SPAG1: variants seen among roughly 807,000 people sequenced by gnomAD.
SPAG1 encodes sperm-associated antigen 1.
In SPAG1, 69 loss-of-function variants were observed where a neutral mutation model predicts 100.5. The ratio of observed to expected loss-of-function variants is 0.69; its 90% CI spans 0.57 to 0.84. The LOEUF is 0.84. Among genes scored for constraint, SPAG1 ranks in the 40% least tolerant of loss-of-function variants. The pLI is 0.00. For synonymous variants in SPAG1, 336 were observed against 411.6 expected (o/e 0.82, Z 2.22); for missense variants, 955 against 1,133.1 (o/e 0.84, Z 2.26).
intron 15 of SPAG1, among the ~76,000 whole-genome samples, chr8:100,232,319 C>T (rs980509489): frequency 1.3e-5 from 2 of 152,078 alleles, no homozygotes; most frequent in African/African-American, 4.8e-5. Context: ...GCTTTTCTTT[C>T]CCTAGAATTC....
In SPAG1 at chr8:100,239,501, T is replaced by C. The variant is rs1804095051; in HGVS notation, c.2280+97T>C. On this transcript the variant is annotated intron_variant, in intron 17 of 18. Transcript: ENST00000388798. The surrounding 1 kb of genome is among the most constrained non-coding windows in gnomAD (Gnocchi z 5.0). ...GTGAGTTCTAAAACATTTTTAATTT[T>C]GTGTTTTTATTCTGATGATCAGTGA... 2 of 812,700 alleles carry C rather than the reference T, an allele frequency of 2.5e-6. No homozygotes were observed. Among genetic ancestry groups the C allele is most frequent in the African/African-American group, 1.8e-5 (1 of 56,998 alleles). 50.3% of individuals were successfully genotyped at this position (812,700 alleles called of 1,614,324 possible).
intron 4 of SPAG1, among the ~76,000 whole-genome samples, chr8:100,182,660 C>T (rs1317722197): frequency 1.3e-5 from 2 of 152,126 alleles, no homozygotes; most frequent in Non-Finnish European, 2.9e-5. Flanking sequence ...TATTCCAAAT[C>T]AGATTACTAT....
Position 100,241,198 on chromosome 8 carries a change from ATTAGT to A in SPAG1, c.*178_*182del. ...ATGTATATTCTACAATCTGCTTTTT[ATTAGT>A]TGTAAATATTTTCTTATGTACCAGA... On this transcript the variant is annotated 3_prime_UTR_variant, in exon 19 of 19. Coordinates refer to ENST00000388798, the MANE Select transcript of SPAG1 (RefSeq NM_003114.5). The surrounding 1 kb of genome is among the most constrained non-coding windows in gnomAD (Gnocchi z 5.1). 4.4e-6 allele frequency: 2 copies of A among 453,362 alleles called. No individual in the cohort carries two copies. The highest frequency in any genetic ancestry group is 7.5e-6 in the Non-Finnish European group (2 of 264,932). The allele number at this position is 453,362 out of a possible 1,614,324, so 28.1% of individuals were successfully genotyped here.
intron 3 of SPAG1, among the ~76,000 whole-genome samples, chr8:100,167,657 T>A (rs1815624289): frequency 6.6e-6 from 1 of 152,252 alleles, no homozygotes; most frequent in Non-Finnish European, 1.5e-5. Context: ...AAATTTCTTC[T>A]TAAATATTTA....
rs1816198936 is a variant in SPAG1, at chr8:100,177,907, T to A, written c.392T>A (p.Val131Asp). 1 of 1,612,434 alleles carries A rather than the reference T, an allele frequency of 6.2e-7. No homozygotes were observed. The highest frequency in any genetic ancestry group is 8.5e-7 in the Non-Finnish European group (1 of 1,178,558). ...FPAMKDNLPP[V>D]RGSNSCLHVG... ...GCAATGAAAGATAATTTGCCTCCAG[T>A]TCGTGGTTCAAACAGCTGTCTTCAT... Residue 131 changes from valine (V) to aspartate (D), a missense_variant, in exon 4 of 19, where the codon GTT becomes GAT. Physicochemically the swap from Val to Asp is radical, Grantham distance 152. Coordinates refer to ENST00000388798, the MANE Select transcript of SPAG1 (RefSeq NM_003114.5).
At chr8:100,187,657 T>G (rs1816642802) in intron 8 of SPAG1, among the ~76,000 whole-genome samples, 1 of 151,674 alleles carries the variant, frequency 6.6e-6, no homozygotes, top group Non-Finnish European at 1.5e-5. Context: ...ACAGCAAAAC[T>G]CTGTGTCTCA....
chr8:100,208,535 G>A (rs1817598513), intron 10 of SPAG1, among the ~76,000 whole-genome samples: 1 of 152,220 alleles, frequency 6.6e-6, no homozygotes. Context: ...AGGGAATATA[G>A]AATGGGTAGT....
intron 2 of SPAG1, among the ~76,000 whole-genome samples, chr8:100,163,598 C>T (rs1815414054): frequency 6.6e-6 from 1 of 152,146 alleles, no homozygotes; most frequent in African/African-American, 2.4e-5. Flanking sequence ...CTTTCCAGGA[C>T]ATCTAGAATT....
intron 10 of SPAG1, chr8:100,194,688 CTA>C: frequency 3.0e-6 from 1 of 331,190 alleles, no homozygotes; most frequent in Non-Finnish European, 5.4e-6. Context: ...TAGAAAATTG[CTA>C]TGTGTGTTTT....
At chr8:100,170,822 TTTA>T (rs1563771490) in intron 3 of SPAG1, among the ~76,000 whole-genome samples, 19 of 148,500 alleles carry the variant, frequency 1.3e-4, no homozygotes, top group East Asian at 2.0e-4. Flanking sequence ...TATTTATTTA[TTTA>T]TTTATTTATT....
chr8:100,176,556 G>A (rs1036550517), intron 3 of SPAG1, among the ~76,000 whole-genome samples: 1 of 151,842 alleles, frequency 6.6e-6, no homozygotes, highest in African/African-American at 2.4e-5. Flanking sequence ...GTAGAGACGG[G>A]GTTTCACCAT....
chr8:100,164,627 G>A (rs1244362950), intron 2 of SPAG1, among the ~76,000 whole-genome samples: 9 of 152,144 alleles, frequency 5.9e-5, no homozygotes, highest in Non-Finnish European at 1.5e-5. Flanking sequence ...ATTTCGCCAT[G>A]TTGGCCAGGC....
At chr8:100,186,387 GTATTTGA>G (rs1178901789) in intron 7 of SPAG1, among the ~76,000 whole-genome samples, 2 of 151,980 alleles carry the variant, frequency 1.3e-5, no homozygotes, top group Non-Finnish European at 2.9e-5. Flanking sequence ...AATGTGTTTG[GTATTTGA>G]TATTTGATGT....
At position 100,241,223 on chromosome 8, in the gene SPAG1, A is replaced by T; in HGVS notation, c.*201A>T. ...ATTAGTTGTAAATATTTTCTTATGTACCAGAACCAAATAAGTATATTTAGA... is the reference window on the plus strand; with the variant it reads ...ATTAGTTGTAAATATTTTCTTATGTTCCAGAACCAAATAAGTATATTTAGA... On this transcript the variant is annotated 3_prime_UTR_variant, in exon 19 of 19. Coordinates refer to ENST00000388798, the MANE Select transcript of SPAG1 (RefSeq NM_003114.5). The surrounding 1 kb of genome is among the most constrained non-coding windows in gnomAD (Gnocchi z 5.1). 2.5e-6 allele frequency: 1 copy of T among 401,766 alleles called. No individual in the cohort carries two copies. Among genetic ancestry groups the T allele is most frequent in the Non-Finnish European group, 4.4e-6 (1 of 228,814 alleles). 24.9% of individuals were successfully genotyped at this position (401,766 alleles called of 1,614,324 possible). A position where few individuals can be genotyped will look rare whatever the true frequency, so the allele number is the denominator to read the frequency against.
At chr8:100,195,647 C>T (rs1817002454) in intron 10 of SPAG1, among the ~76,000 whole-genome samples, 1 of 152,038 alleles carries the variant, frequency 6.6e-6, no homozygotes, top group African/African-American at 2.4e-5. Flanking sequence ...TTATATTGAG[C>T]TTTTGCATAA....
intron 3 of SPAG1, among the ~76,000 whole-genome samples, chr8:100,170,829 A>T (rs1048072312): frequency 9.1e-5 from 13 of 143,302 alleles, no homozygotes; most frequent in African/African-American, 2.5e-4. Context: ...TTATTTATTT[A>T]TTTATTTATT....
intron 1 of SPAG1, among the ~76,000 whole-genome samples, chr8:100,159,929 A>G (rs948655760): frequency 1.3e-5 from 2 of 152,214 alleles, no homozygotes; most frequent in African/African-American, 4.8e-5. Context: ...ATCCTTTATG[A>G]GAGAGGTTTT....
intron 10 of SPAG1, among the ~76,000 whole-genome samples, chr8:100,208,838 C>G (rs1353623893): frequency 6.6e-6 from 1 of 151,940 alleles, no homozygotes; most frequent in Non-Finnish European, 1.5e-5. Context: ...TAATTATGAC[C>G]TTATTATTGT....
chr8:100,228,742 AT>A (rs1216390298), intron 14 of SPAG1, among the ~76,000 whole-genome samples: 2 of 152,034 alleles, frequency 1.3e-5, no homozygotes, highest in Non-Finnish European at 2.9e-5. Context: ...AAAATAATAA[AT>A]TTATCTATCA....
Sources: gnomAD v4.1 joint callset for allele counts (sites outside exome capture counted in the v4.1 genomes callset) on GRCh38, gnomAD v4.1.1 for gene constraint, Gnocchi (gnomAD v3.1) non-coding constraint, MANE v1.5 for transcripts, NCBI Gene and HGNC (gene_info 2026-07-23, HGNC 2026-07-21) for gene names.